The following MSI2 variants were observed in gnomAD, a reference collection of about 807,000 sequenced individuals.
MSI2 encodes RNA-binding protein Musashi homolog 2.
In MSI2, 17 loss-of-function variants were observed where a neutral mutation model predicts 45.6. The observed-to-expected ratio is 0.37, with a 90% CI of 0.26 to 0.56. The LOEUF (loss-of-function observed/expected upper bound fraction) is 0.56. Ranked by LOEUF, MSI2 falls within the 20% of genes least tolerant of loss-of-function variation. The pLI is 0.77. For synonymous variants in MSI2, 156 were observed against 158.2 expected (o/e 0.99, Z 0.11); for missense variants, 293 against 444.2 (o/e 0.66, Z 3.06).
intron 6 of MSI2, among the ~76,000 whole-genome samples, chr17:57,431,515 C>T (rs903889341): frequency 1.7e-4 from 26 of 152,122 alleles, no homozygotes; most frequent in African/African-American, 5.6e-4. Context: ...ATGGTCGGTG[C>T]GGCATGTCTT....
At chr17:57,277,311 G>A (rs1331056670) in intron 5 of MSI2, among the ~76,000 whole-genome samples, 1 of 152,176 alleles carries the variant, frequency 6.6e-6, no homozygotes. Context: ...GCCTGCCTCA[G>A]CCTCCCAAAG....
In MSI2 at chr17:57,419,467, A is replaced by T. The variant is rs181374097; in HGVS notation, c.405+17996A>T. 7.2e-4 allele frequency among the ~76,000 whole-genome samples: 109 copies of T among 151,272 alleles called. 2 individuals carry two copies. The East Asian group carries it at 0.019, about 26-fold the overall frequency. On this transcript the variant is annotated intron_variant, in intron 6 of 13. Transcript: ENST00000284073. ...AACCTCCGCCTCCCAGGTTCAAGCGATTCTCCTGCCTCAGCCTCCCGAGTA... is the reference window on the plus strand; with the variant it reads ...AACCTCCGCCTCCCAGGTTCAAGCGTTTCTCCTGCCTCAGCCTCCCGAGTA...
intron 5 of MSI2, among the ~76,000 whole-genome samples, chr17:57,345,371 C>T (rs1284946282): frequency 6.6e-6 from 1 of 152,152 alleles, no homozygotes; most frequent in Admixed American, 6.5e-5. Flanking sequence ...TCTCTCCTTC[C>T]CTGTTTCCCA....
chr17:57,566,762 G>A (rs556383365), intron 7 of MSI2, among the ~76,000 whole-genome samples: 2 of 152,284 alleles, frequency 1.3e-5, no homozygotes, highest in Admixed American at 6.5e-5. Flanking sequence ...GACTGCCACC[G>A]ATCTGGTTGG....
At position 57,682,539 on chromosome 17, in the gene MSI2, G is replaced by T. The variant is rs1380910038; in HGVS notation, c.*3022G>T. 3 of 209,998 alleles carry T rather than the reference G, an allele frequency of 1.4e-5. No homozygotes were observed. The East Asian group carries it at 2.2e-4, about 15-fold the overall frequency. 13.0% of individuals were successfully genotyped at this position (209,998 alleles called of 1,614,324 possible). On this transcript the variant is annotated 3_prime_UTR_variant, in exon 14 of 14. Transcript: ENST00000284073. ...TTTATATACCTTTTGAAGAGACCCAGTAGCCCATAGCACAAATCTTGTGGA... is the reference window on the plus strand; with the variant it reads ...TTTATATACCTTTTGAAGAGACCCATTAGCCCATAGCACAAATCTTGTGGA...
intron 10 of MSI2, chr17:57,631,900 T>G: frequency 1.3e-6 from 2 of 1,592,124 alleles, no homozygotes; most frequent in Non-Finnish European, 1.7e-6. Context: ...AGTCCCGGCC[T>G]GGGCTGCCCC....
chr17:57,685,576 A>G (rs989279647), downstream of MSI2: 2 of 152,206 alleles, frequency 1.3e-5, no homozygotes, highest in African/African-American at 2.4e-5. Flanking sequence ...AGGTTCTTTC[A>G]AAAAGCTGCA....
At chr17:57,256,841 G>T in intron 1 of MSI2, 37 bp downstream of exon 1, 1 of 1,426,252 alleles carries the variant, frequency 7.0e-7, no homozygotes, top group Non-Finnish European at 9.2e-7. Context: ...GCCGCCTTGG[G>T]CTCGCTCTCC....
chr17:57,323,800 C>G (rs1913547468), intron 5 of MSI2, among the ~76,000 whole-genome samples: 1 of 152,196 alleles, frequency 6.6e-6, no homozygotes, highest in Admixed American at 6.5e-5. Context: ...GCATAGACAC[C>G]CACTGATTTG....
chr17:57,555,051 A>C (rs2087399730), intron 7 of MSI2, among the ~76,000 whole-genome samples: 1 of 152,168 alleles, frequency 6.6e-6, no homozygotes, highest in Non-Finnish European at 1.5e-5. Flanking sequence ...CCTGTGGGTG[A>C]GAAGTAGGGC....
chr17:57,338,829 G>A (rs1349934051), intron 5 of MSI2, among the ~76,000 whole-genome samples: 1 of 152,180 alleles, frequency 6.6e-6, no homozygotes, highest in Non-Finnish European at 1.5e-5. Flanking sequence ...TTCACCTACA[G>A]GGGCTGCCGA....
chr17:57,257,378 T>G, intron 2 of MSI2, 88 bp from the exon 3 acceptor site: 4 of 834,824 alleles, frequency 4.8e-6, no homozygotes, highest in Non-Finnish European at 7.4e-6. Flanking sequence ...AAAACTACTT[T>G]TGGATTTTGT....
intron 9 of MSI2, among the ~76,000 whole-genome samples, chr17:57,617,947 C>T (rs188261165): frequency 5.3e-5 from 8 of 151,896 alleles, no homozygotes; most frequent in Non-Finnish European, 7.4e-5. Flanking sequence ...AGCACGTGCC[C>T]GTAATCCCAG....
Position 57,613,037 on chromosome 17 carries a change from C to T in MSI2, c.538-2933C>T, listed in dbSNP as rs180715337. Among the ~76,000 whole-genome samples the T allele has an allele frequency of 8.5e-5, 13 of 152,216 alleles. No individual in the cohort carries two copies. In the East Asian group the frequency reaches 2.5e-3, roughly 29 times the overall value. ...GCTTAGGAGAGAAACCTAAAAGAGCCAATTTGGATGAGTTTGTTGTTTTCA... is the reference window on the plus strand; with the variant it reads ...GCTTAGGAGAGAAACCTAAAAGAGCTAATTTGGATGAGTTTGTTGTTTTCA... On this transcript the variant is annotated intron_variant, in intron 8 of 13. Transcript: ENST00000284073.
chr17:57,282,733 A>C (rs903214324), intron 5 of MSI2, among the ~76,000 whole-genome samples: 5 of 138,720 alleles, frequency 3.6e-5, no homozygotes, highest in South Asian at 4.7e-4. Flanking sequence ...ATCTTTCTGA[A>C]GGTTTTATAA....
At chr17:57,549,724 T>G (rs1296342505) in intron 7 of MSI2, among the ~76,000 whole-genome samples, 1 of 152,182 alleles carries the variant, frequency 6.6e-6, no homozygotes, top group Non-Finnish European at 1.5e-5. Flanking sequence ...ACACAGCCAG[T>G]AGGAGGTGGA....
chr17:57,673,941 C>T (rs1176531863), intron 11 of MSI2, among the ~76,000 whole-genome samples: 2 of 151,572 alleles, frequency 1.3e-5, no homozygotes, highest in Admixed American at 6.6e-5. Context: ...ATTCATACTT[C>T]TTTGTCTTTT....
At chr17:57,498,678 G>A (rs781693725) in intron 6 of MSI2, among the ~76,000 whole-genome samples, 5 of 152,224 alleles carry the variant, frequency 3.3e-5, no homozygotes, top group Admixed American at 1.3e-4. Flanking sequence ...TTTGAGGATC[G>A]TTGGGTAGAA....
chr17:57,622,151 C>T (rs1454929697), intron 9 of MSI2, among the ~76,000 whole-genome samples: 2 of 152,232 alleles, frequency 1.3e-5, no homozygotes, highest in African/African-American at 2.4e-5. Flanking sequence ...GAGCCAAGAT[C>T]ACACCACTGC....
Sources: allele counts gnomAD v4.1 joint callset (sites outside exome capture counted in the v4.1 genomes callset), GRCh38; gene constraint gnomAD v4.1.1; transcripts MANE v1.5; gene names NCBI Gene and HGNC (gene_info 2026-07-23, HGNC 2026-07-21).